Variants in GATD1 observed in about 807,000 individuals in gnomAD.
GATD1 encodes glutamine amidotransferase class 1 domain containing 1.
In GATD1, 23 loss-of-function variants were observed where a neutral mutation model predicts 25.9. The observed-to-expected ratio is 0.89, with a 90% CI of 0.64 to 1.26. The LOEUF is 1.26. Among genes scored for constraint, GATD1 ranks in the 50% most tolerant of loss-of-function variants. The pLI is 0.00. For synonymous variants in GATD1, 177 were observed against 134.6 expected (o/e 1.31, Z -2.18); for missense variants, 347 against 312.5 (o/e 1.11, Z -0.83).
In GATD1 at chr11:769,482, G is replaced by A. The variant is rs773261215; in HGVS notation, c.*1415C>T. 1.8e-5 allele frequency: 3 copies of A among 165,518 alleles called. No homozygotes were observed. Among genetic ancestry groups the A allele is most frequent in the African/African-American group, 4.8e-5 (2 of 41,550 alleles). 10.3% of individuals were successfully genotyped at this position (165,518 alleles called of 1,614,324 possible). A position where few individuals can be genotyped will look rare whatever the true frequency, so the allele number is the denominator to read the frequency against. On this transcript the variant is annotated 3_prime_UTR_variant, in exon 8 of 8. Transcript: ENST00000319863. ...AATACAGGCGCCTGACACCACACCC[G>A]GCTCATTTTTGTATTTTAGTTTCAC...
At chr11:773,682 T>C in intron 3 of GATD1, 53 bp from the exon 4 acceptor site, 1 of 1,390,578 alleles carries the variant, frequency 7.2e-7, no homozygotes, top group South Asian at 1.2e-5. Flanking sequence ...TGAGACTACC[T>C]GCAGGACCAG....
chr11:773,647 A>G lies in GATD1; in HGVS notation c.248-18T>C, dbSNP rs1387172747. On this transcript the variant is annotated intron_variant, in intron 3 of 7. Coordinates refer to ENST00000319863, the MANE Select transcript of GATD1 (RefSeq NM_182612.4). Reference sequence around the variant, plus strand: ...CCGGGCACCTGGGGGGAGACCACAAACCAGGTAGCAGCCACATGTCAAAGT... The same window carrying G: ...CCGGGCACCTGGGGGGAGACCACAAGCCAGGTAGCAGCCACATGTCAAAGT... 2 of 1,563,286 alleles carry G rather than the reference A, an allele frequency of 1.3e-6. No individual in the cohort carries two copies. The highest frequency in any genetic ancestry group is 1.7e-6 in the Non-Finnish European group (2 of 1,143,336).
rs752064566 is a variant in GATD1, at chr11:767,312, C to T, written c.*3585G>A. 28 of 1,536,138 alleles carry T rather than the reference C, an allele frequency of 1.8e-5. No homozygotes were observed. The highest frequency in any genetic ancestry group is 3.3e-4 in the Middle Eastern group (2 of 6,012). On this transcript the variant is annotated 3_prime_UTR_variant, in exon 8 of 8. Coordinates refer to ENST00000319863, the MANE Select transcript of GATD1 (RefSeq NM_182612.4). Reference sequence around the variant, plus strand: ...TCCTCACCCGCCCTCCGCTGCTCTTCTGGAGGTCTGTCCTCTTGCTTTCCT... The same window carrying T: ...TCCTCACCCGCCCTCCGCTGCTCTTTTGGAGGTCTGTCCTCTTGCTTTCCT...
rs1374247201 is a variant in GATD1, at chr11:770,778, G to C, written c.*119C>G. The C allele has an allele frequency of 2.6e-6, 4 of 1,527,426 alleles. No individual in the cohort carries two copies. The African/African-American group carries it at 5.5e-5, about 21-fold the overall frequency. The allele number at this position is 1,527,426 out of a possible 1,614,324, so 94.6% of individuals were successfully genotyped here. A position where few individuals can be genotyped will look rare whatever the true frequency, so the allele number is the denominator to read the frequency against. On this transcript the variant is annotated 3_prime_UTR_variant, in exon 8 of 8. Coordinates refer to ENST00000319863, the MANE Select transcript of GATD1 (RefSeq NM_182612.4). ...GCCTCCAACAATCCCATCAGGGCCA[G>C]ACCAGGCTGCCATCCAGGGCCCTTG...
rs1863097315 is a variant in GATD1, at chr11:767,227, A to G, written c.*3670T>C. The G allele has an allele frequency of 3.3e-6, 5 of 1,534,650 alleles. No homozygotes were observed. Among genetic ancestry groups the G allele is most frequent in the Non-Finnish European group, 4.4e-6 (5 of 1,146,074 alleles). ...CTGCGAACACCAGGACACCATTTGC[A>G]TGCTGCTGCATGGTTTTATTCCTCA... On this transcript the variant is annotated 3_prime_UTR_variant, in exon 8 of 8. Coordinates refer to ENST00000319863, the MANE Select transcript of GATD1 (RefSeq NM_182612.4).
At position 772,531 on chromosome 11, in the gene GATD1, G is replaced by C. The variant is rs572612201; in HGVS notation, c.356-10C>G. 3.1e-6 allele frequency: 5 copies of C among 1,607,916 alleles called. No individual in the cohort carries two copies. The Admixed American group carries it at 5.0e-5, about 16-fold the overall frequency. The stretch of plus-strand genomic sequence containing the variant: ...ACGGCGCAGATGGGTTCTGAAAGCC[G>C]TACATGGCGTTGAGGCCCTGGACCC... On this transcript the variant is annotated splice_polypyrimidine_tract_variant and intron_variant, in intron 4 of 7. Coordinates refer to ENST00000319863, the MANE Select transcript of GATD1 (RefSeq NM_182612.4).
At chr11:773,959 C>T (rs1221155332) in intron 3 of GATD1, 49 bp downstream of exon 3, 4 of 1,554,530 alleles carry the variant, frequency 2.6e-6, no homozygotes, top group African/African-American at 1.4e-5. Flanking sequence ...ACCCTTGACC[C>T]TCCAAGGTCC....
intron 3 of GATD1, 97 bp downstream of exon 3, chr11:773,902 TCAGGGGCTG>T: frequency 1.0e-6 from 1 of 1,001,714 alleles, no homozygotes; most frequent in South Asian, 1.5e-5. Flanking sequence ...TCACAGGGCT[TCAGGGGCTG>T]AGCTAGGGAG....
rs925779693 is a variant in GATD1, at chr11:767,447, G to A, written c.*3450C>T. The A allele has an allele frequency of 3.1e-5, 45 of 1,469,470 alleles. No homozygotes were observed. Among genetic ancestry groups the A allele is most frequent in the African/African-American group, 5.7e-5 (4 of 70,712 alleles). The allele number at this position is 1,469,470 out of a possible 1,614,324, so 91.0% of individuals were successfully genotyped here. ...GCCTCGCACGCAGCTGAGGAATGACGCAGGGGCCTGCAGGCAGCTCACGCG... is the reference window on the plus strand; with the variant it reads ...GCCTCGCACGCAGCTGAGGAATGACACAGGGGCCTGCAGGCAGCTCACGCG... On this transcript the variant is annotated 3_prime_UTR_variant, in exon 8 of 8. Coordinates refer to ENST00000319863, the MANE Select transcript of GATD1 (RefSeq NM_182612.4).
In GATD1 at chr11:771,016, G is replaced by A; in HGVS notation, c.633C>T (p.Asn211=). The change falls in exon 7 of 8, where the codon AAC becomes AAT. Residue 211 remains asparagine (N), a synonymous_variant. Transcript: ENST00000319863. ...ACCGGCTGCCACAGAGGAAGAGCAG[G>A]TTCTGCACGGCCGGGACAGTGGAGC... ...NASSTVPAVQ[N]LLFLCGSRK is the part of the protein sequence containing the mutation. 1 of 1,613,378 alleles carries A rather than the reference G, an allele frequency of 6.2e-7. No individual in the cohort carries two copies. Among genetic ancestry groups the A allele is most frequent in the South Asian group, 1.1e-5 (1 of 91,076 alleles).
At chr11:777,277 G>A in intron 1 of GATD1, 122 bp downstream of exon 1, 1 of 629,616 alleles carries the variant, frequency 1.6e-6, no homozygotes, top group Non-Finnish European at 2.1e-6. Context: ...CCTGCCCGGC[G>A]CCCCCAGCGG....
rs575269486 is a variant in GATD1, at chr11:770,657, G to C, written c.*240C>G. The C allele has an allele frequency of 2.5e-4, 361 of 1,419,186 alleles. No individual in the cohort carries two copies. The highest frequency in any genetic ancestry group is 5.2e-4 in the Middle Eastern group (2 of 3,858). The allele number at this position is 1,419,186 out of a possible 1,614,324, so 87.9% of individuals were successfully genotyped here. On this transcript the variant is annotated 3_prime_UTR_variant, in exon 8 of 8. Coordinates refer to ENST00000319863, the MANE Select transcript of GATD1 (RefSeq NM_182612.4). Reference sequence around the variant, plus strand: ...GCTAGCACAGCTCTCCAGGCACGTGGGGTCTTTTCTCTGCCTCCTACCAGA... The same window carrying C: ...GCTAGCACAGCTCTCCAGGCACGTGCGGTCTTTTCTCTGCCTCCTACCAGA...
Position 769,273 on chromosome 11 carries a change from C to G in GATD1, c.*1624G>C. The G allele has an allele frequency of 1.0e-6, 1 of 985,404 alleles. No individual in the cohort carries two copies. Among genetic ancestry groups the G allele is most frequent in the Non-Finnish European group, 1.2e-6 (1 of 829,946 alleles). The allele number at this position is 985,404 out of a possible 1,614,324, so 61.0% of individuals were successfully genotyped here. On this transcript the variant is annotated 3_prime_UTR_variant, in exon 8 of 8. Coordinates refer to ENST00000319863, the MANE Select transcript of GATD1 (RefSeq NM_182612.4). The stretch of plus-strand genomic sequence containing the variant: ...TCAGGGCGGGGATGTGGCTGCAGCG[C>G]TTCCTTCTTCCACTTTTTTCCAAAT...
At chr11:771,967 G>A (rs903730909) in intron 5 of GATD1, among the ~76,000 whole-genome samples, 2 of 152,138 alleles carry the variant, frequency 1.3e-5, no homozygotes, top group African/African-American at 4.8e-5. Context: ...CTCAGGGCCT[G>A]TGGATCAGCC....
chr11:770,000 G>C lies in GATD1; in HGVS notation c.*897C>G. ...ACGCTGGTGCTTGGGAACGGCTGTG[G>C]CTGAGACGGGGAGGTGGGCAGGAAG... On this transcript the variant is annotated 3_prime_UTR_variant, in exon 8 of 8. Coordinates refer to ENST00000319863, the MANE Select transcript of GATD1 (RefSeq NM_182612.4). 1 of 1,053,412 alleles carries C rather than the reference G, an allele frequency of 9.5e-7. No individual in the cohort carries two copies. Among genetic ancestry groups the C allele is most frequent in the Non-Finnish European group, 1.1e-6 (1 of 874,670 alleles). The allele number at this position is 1,053,412 out of a possible 1,614,324, so 65.3% of individuals were successfully genotyped here.
In GATD1 at chr11:773,341, T is replaced by A. The variant is rs573028192; in HGVS notation, c.355+181A>T. 467 of 578,958 alleles carry A rather than the reference T, an allele frequency of 8.1e-4. 1 individual carries two copies. The highest frequency in any genetic ancestry group is 9.9e-4 in the Non-Finnish European group (327 of 330,408). The allele number at this position is 578,958 out of a possible 1,614,324, so 35.9% of individuals were successfully genotyped here. A position where few individuals can be genotyped will look rare whatever the true frequency, so the allele number is the denominator to read the frequency against. ...AGATGGTCACCAGGAGACGACAAAGTCTGTGTGTGTCGGGGGAAGGGGCAG... is the reference window on the plus strand; with the variant it reads ...AGATGGTCACCAGGAGACGACAAAGACTGTGTGTGTCGGGGGAAGGGGCAG... On this transcript the variant is annotated intron_variant, in intron 4 of 7. Coordinates refer to ENST00000319863, the MANE Select transcript of GATD1 (RefSeq NM_182612.4).
intron 3 of GATD1, 132 bp downstream of exon 3, chr11:773,876 A>G (rs775735672): frequency 1.3e-5 from 10 of 783,602 alleles, no homozygotes; most frequent in Non-Finnish European, 1.8e-5. Context: ...GTGGGGCTGG[A>G]GGCTGCCCCA....
chr11:770,054 C>G lies in GATD1; in HGVS notation c.*843G>C, dbSNP rs1863297078. The G allele has an allele frequency of 8.6e-7, 1 of 1,158,580 alleles. No individual in the cohort carries two copies. Among genetic ancestry groups the G allele is most frequent in the Non-Finnish European group, 1.1e-6 (1 of 941,900 alleles). 71.8% of individuals were successfully genotyped at this position (1,158,580 alleles called of 1,614,324 possible). On this transcript the variant is annotated 3_prime_UTR_variant, in exon 8 of 8. Transcript: ENST00000319863. Reference sequence around the variant, plus strand: ...GCCTTCGATGGCTCAAACTGGGGAACTGTGAGGAAGTAGAGGGCCTAAGCC... The same window carrying G: ...GCCTTCGATGGCTCAAACTGGGGAAGTGTGAGGAAGTAGAGGGCCTAAGCC...
chr11:770,873 A>T lies in GATD1; in HGVS notation c.*24T>A, dbSNP rs778706839. ...CCTCTGGAGACACCTGGGCTGTCTCAGGGGGTGCATCTACCCAGCAGGTTC... is the reference window on the plus strand; with the variant it reads ...CCTCTGGAGACACCTGGGCTGTCTCTGGGGGTGCATCTACCCAGCAGGTTC... On this transcript the variant is annotated 3_prime_UTR_variant, in exon 8 of 8. Coordinates refer to ENST00000319863, the MANE Select transcript of GATD1 (RefSeq NM_182612.4). 2.8e-5 allele frequency: 44 copies of T among 1,595,960 alleles called. No individual in the cohort carries two copies. Among genetic ancestry groups the T allele is most frequent in the Non-Finnish European group, 3.7e-5 (43 of 1,169,448 alleles).
Sources: allele counts gnomAD v4.1 joint callset (sites outside exome capture counted in the v4.1 genomes callset), GRCh38; gene constraint gnomAD v4.1.1; transcripts MANE v1.5; gene names NCBI Gene and HGNC (gene_info 2026-07-23, HGNC 2026-07-21).